CORO2B: variants seen among roughly 807,000 people sequenced by gnomAD.
CORO2B encodes coronin 2B.
In CORO2B, 26 loss-of-function variants were observed where a neutral mutation model predicts 58.8. That is an observed-to-expected ratio of 0.44 (90% confidence interval 0.32 to 0.61). The LOEUF is 0.61. Among genes scored for constraint, CORO2B ranks in the 20% least tolerant of loss-of-function variants. CORO2B has a pLI of 0.04. For missense variants in CORO2B, 460 were observed against 645.1 expected (o/e 0.71, Z 3.11); for synonymous variants, 242 against 253.8 (o/e 0.95, Z 0.44).
At chr15:68,662,568 T>C (rs750165750) in intron 2 of CORO2B, among the ~76,000 whole-genome samples, 3 of 152,258 alleles carry the variant, frequency 2.0e-5, no homozygotes, top group Non-Finnish European at 4.4e-5. Context: ...TATTGCCATA[T>C]GCAATTTATT....
intron 2 of CORO2B, among the ~76,000 whole-genome samples, chr15:68,649,361 T>C (rs1247091910): frequency 4.6e-5 from 7 of 152,218 alleles, no homozygotes; most frequent in Admixed American, 6.5e-5. Context: ...TTTCAAGAAG[T>C]TTTCACTTTA....
intron 3 of CORO2B, among the ~76,000 whole-genome samples, chr15:68,702,839 T>G (rs1197981174): frequency 6.9e-6 from 1 of 144,308 alleles, no homozygotes; most frequent in East Asian, 2.0e-4. Context: ...TTTTTTTTTT[T>G]TTTTTGAGAC....
chr15:68,591,365 G>A (rs962539057), intron 1 of CORO2B, among the ~76,000 whole-genome samples: 1 of 152,232 alleles, frequency 6.6e-6, no homozygotes, highest in Non-Finnish European at 1.5e-5. Flanking sequence ...GCTTATTCTA[G>A]GAGAGAACCA....
At chr15:68,524,219 C>T in the CORO2B span, among the ~76,000 whole-genome samples, 10 of 148,280 alleles carry the variant, frequency 6.7e-5, no homozygotes, top group African/African-American at 2.2e-4. Context: ...AACCCTGTCT[C>T]AAAAAAAAAG....
chr15:68,701,156 G>A (rs1472927394), intron 3 of CORO2B, among the ~76,000 whole-genome samples: 3 of 152,180 alleles, frequency 2.0e-5, no homozygotes, highest in Admixed American at 6.5e-5. Context: ...CCAGTGCGCC[G>A]AGTGGGTCTT....
At chr15:68,578,677 C>A (rs1220342911), upstream of CORO2B, among the ~76,000 whole-genome samples, 5 of 152,156 alleles carry the variant, frequency 3.3e-5, no homozygotes, top group South Asian at 6.2e-4. This position sits in a 1 kb window ranked among gnomAD's most constrained non-coding sequence, Gnocchi z 4.2. Context: ...ACTTCACCAG[C>A]GTCCCCGGGC....
chr15:68,576,210 T>C (rs572529681), upstream of CORO2B, among the ~76,000 whole-genome samples: 1 of 148,840 alleles, frequency 6.7e-6, no homozygotes, highest in East Asian at 2.0e-4. Context: ...TATTTCTCAG[T>C]ATCTCCTACA....
chr15:68,528,729 G>C, the CORO2B span, among the ~76,000 whole-genome samples: 1 of 139,934 alleles, frequency 7.1e-6, no homozygotes, highest in Non-Finnish European at 1.5e-5. Flanking sequence ...TTTCTTAAGT[G>C]TTTGTTGGAA....
At chr15:68,545,999 C>T in the CORO2B span, among the ~76,000 whole-genome samples, 1 of 152,194 alleles carries the variant, frequency 6.6e-6, no homozygotes, top group Non-Finnish European at 1.5e-5. Flanking sequence ...CCACCTCTCT[C>T]TGCCCTCCCC....
At chr15:68,715,345 C>A in intron 8 of CORO2B, 34 bp downstream of exon 8, 1 of 1,489,302 alleles carries the variant, frequency 6.7e-7, no homozygotes, top group South Asian at 1.1e-5. Flanking sequence ...AGCTGGTGTG[C>A]TCATGGCACG....
chr15:68,535,399 T>G, the CORO2B span, among the ~76,000 whole-genome samples: 1 of 152,192 alleles, frequency 6.6e-6, no homozygotes, highest in East Asian at 1.9e-4. Flanking sequence ...ATCTATAAAA[T>G]GAGAATATTG....
At chr15:68,536,647 C>T in the CORO2B span, among the ~76,000 whole-genome samples, 1 of 152,212 alleles carries the variant, frequency 6.6e-6, no homozygotes, top group Non-Finnish European at 1.5e-5. Flanking sequence ...TTTGTTTTTT[C>T]TTCCTTGGTC....
upstream of CORO2B, among the ~76,000 whole-genome samples, chr15:68,578,356 G>A (rs189821539): frequency 2.4e-4 from 37 of 152,306 alleles, no homozygotes; most frequent in African/African-American, 8.4e-4. The surrounding 1 kb of genome is among the most constrained non-coding windows in gnomAD (Gnocchi z 4.2). Context: ...TGTGGTCTAA[G>A]TCACTTCCCA....
the CORO2B span, among the ~76,000 whole-genome samples, chr15:68,545,602 A>C: frequency 1.4e-4 from 5 of 36,254 alleles, no homozygotes; most frequent in Non-Finnish European, 1.4e-4. Context: ...TGCAACAGGA[A>C]TGCGGGGGGC....
the CORO2B span, among the ~76,000 whole-genome samples, chr15:68,531,544 G>GA: frequency 4.2e-3 from 494 of 118,374 alleles, 8 homozygotes; most frequent in Non-Finnish European, 6.6e-3. Context: ...AGGAAGGAAG[G>GA]AAGGAAGGAA....
intron 2 of CORO2B, among the ~76,000 whole-genome samples, chr15:68,674,094 G>A (rs773171347): frequency 6.6e-6 from 1 of 152,178 alleles, no homozygotes; most frequent in African/African-American, 2.4e-5. Context: ...GAGAGGCTGC[G>A]TGTGTGTCTC....
At chr15:68,652,502 T>C (rs1278343282) in intron 2 of CORO2B, among the ~76,000 whole-genome samples, 1 of 152,130 alleles carries the variant, frequency 6.6e-6, no homozygotes, top group African/African-American at 2.4e-5. Context: ...GAAACAGAGC[T>C]ACCTGCTACC....
At chr15:68,557,385 G>C in the CORO2B span, among the ~76,000 whole-genome samples, 2 of 152,186 alleles carry the variant, frequency 1.3e-5, no homozygotes, top group African/African-American at 4.8e-5. Flanking sequence ...CTGAGGTTCA[G>C]TGGCCAATGT....
At chr15:68,685,351 C>T (rs112241991) in intron 2 of CORO2B, among the ~76,000 whole-genome samples, 2 of 152,180 alleles carry the variant, frequency 1.3e-5, no homozygotes, top group Admixed American at 6.5e-5. Context: ...GCTGGGATTA[C>T]AGGCACGTGT....
Sources: gnomAD v4.1 joint callset for allele counts (sites outside exome capture counted in the v4.1 genomes callset) on GRCh38, gnomAD v4.1.1 for gene constraint, Gnocchi (gnomAD v3.1) non-coding constraint, MANE v1.5 for transcripts, NCBI Gene and HGNC (gene_info 2026-07-23, HGNC 2026-07-21) for gene names.